The following CADM2 variants were observed in gnomAD, a reference collection of about 807,000 sequenced individuals.
The protein encoded by CADM2 is cell adhesion molecule 2.
Under a neutral mutation model 49.8 loss-of-function variants are expected in CADM2, and 12 were observed. That is an observed-to-expected ratio of 0.24 (90% CI 0.15 to 0.39). The LOEUF is 0.39. CADM2 is among the 10% of genes least tolerant of loss of function. The pLI is 1.00. For synonymous variants in CADM2, 214 were observed against 175.4 expected (o/e 1.22, Z -1.74); for missense variants, 378 against 492.3 (o/e 0.77, Z 2.20).
At chr3:85,617,077 A>T (rs1483433643) in intron 1 of CADM2, among the ~76,000 whole-genome samples, 1 of 152,098 alleles carries the variant, frequency 6.6e-6, no homozygotes, top group Non-Finnish European at 1.5e-5. Context: ...ACAAACAAGC[A>T]ATCAGTTCTT....
At chr3:85,996,694 T>C (rs1224847599) in intron 8 of CADM2, among the ~76,000 whole-genome samples, 1 of 152,200 alleles carries the variant, frequency 6.6e-6, no homozygotes, top group Non-Finnish European at 1.5e-5. Flanking sequence ...AGAAACTTTA[T>C]AATTCTTCTT....
chr3:85,878,445 A>C (rs758278936), intron 3 of CADM2, among the ~76,000 whole-genome samples: 1 of 152,152 alleles, frequency 6.6e-6, no homozygotes, highest in Non-Finnish European at 1.5e-5. Flanking sequence ...TGAAAGTATT[A>C]TATGATTTGA....
At chr3:84,996,589 A>G (rs974011233) in intron 1 of CADM2, among the ~76,000 whole-genome samples, 6 of 152,098 alleles carry the variant, frequency 3.9e-5, no homozygotes, top group Admixed American at 2.0e-4. Flanking sequence ...AATATTATGA[A>G]ATTACCCTTA....
intron 5 of CADM2, among the ~76,000 whole-genome samples, chr3:85,887,800 G>A (rs1428663781): frequency 6.6e-6 from 1 of 152,046 alleles, no homozygotes; most frequent in African/African-American, 2.4e-5. Flanking sequence ...GGCATTTCTG[G>A]ACTTGGTTAG....
At chr3:86,022,269 TA>T (rs1292081271) in intron 8 of CADM2, among the ~76,000 whole-genome samples, 1 of 152,266 alleles carries the variant, frequency 6.6e-6, no homozygotes, top group African/African-American at 2.4e-5. Context: ...GGTTCTTTAG[TA>T]AATGTAACCT....
At position 85,145,352 on chromosome 3, in the gene CADM2, A is replaced by G. The variant is rs577872832; in HGVS notation, c.61+185684A>G. 6.7e-4 allele frequency among the ~76,000 whole-genome samples: 102 copies of G among 152,242 alleles called. 2 individuals carry two copies. The highest frequency in any genetic ancestry group is 4.1e-3 in the Admixed American group (62 of 15,286). The stretch of plus-strand genomic sequence containing the variant: ...TAAGCAACATAGTCTAATTCCATCT[A>G]TCCATCCAATCTGTCTGCCTATCTA... On this transcript the variant is annotated intron_variant, in intron 1 of 9. Transcript: ENST00000383699.
At chr3:85,039,519 C>G (rs1178518238) in intron 1 of CADM2, among the ~76,000 whole-genome samples, 1 of 152,080 alleles carries the variant, frequency 6.6e-6, no homozygotes, top group South Asian at 2.1e-4. Flanking sequence ...TTTCTTAAAG[C>G]TATGGTATAC....
intron 1 of CADM2, among the ~76,000 whole-genome samples, chr3:85,246,693 A>T (rs1559741077): frequency 1.3e-5 from 2 of 152,182 alleles, no homozygotes; most frequent in Non-Finnish European, 2.9e-5. Flanking sequence ...TCAAAAACAC[A>T]GTTATAGTGA....
At chr3:85,961,022 T>TA (rs1553714029) in intron 7 of CADM2, among the ~76,000 whole-genome samples, 1 of 147,136 alleles carries the variant, frequency 6.8e-6, no homozygotes, top group Non-Finnish European at 1.5e-5. Flanking sequence ...ATTATATATA[T>TA]TTATACTCAT....
chr3:85,816,813 G>T (rs947433364), intron 3 of CADM2, among the ~76,000 whole-genome samples: 1 of 152,040 alleles, frequency 6.6e-6, no homozygotes, highest in African/African-American at 2.4e-5. Context: ...ATTTATTGTG[G>T]TTATATGTTA....
At chr3:85,640,699 A>T (rs2064684051) in intron 1 of CADM2, among the ~76,000 whole-genome samples, 1 of 152,186 alleles carries the variant, frequency 6.6e-6, no homozygotes, top group South Asian at 2.1e-4. Context: ...GTAGCAAGGG[A>T]TCAGCATAGG....
chr3:85,840,290 T>C (rs1403968834), intron 3 of CADM2, among the ~76,000 whole-genome samples: 2 of 151,824 alleles, frequency 1.3e-5, no homozygotes, highest in African/African-American at 4.8e-5. Context: ...TGTTTTTCCT[T>C]CCATTTTTAG....
At chr3:85,021,835 ATC>A (rs1445670487) in intron 1 of CADM2, among the ~76,000 whole-genome samples, 2 of 152,212 alleles carry the variant, frequency 1.3e-5, no homozygotes, top group African/African-American at 4.8e-5. Context: ...CATTGTTATC[ATC>A]TCTCTGTGTT....
At chr3:85,484,481 C>T (rs541221836) in intron 1 of CADM2, among the ~76,000 whole-genome samples, 9 of 152,002 alleles carry the variant, frequency 5.9e-5, no homozygotes, top group Admixed American at 1.3e-4. Flanking sequence ...TCTATACAAC[C>T]TTGCATTTTT....
chr3:85,027,012 C>T (rs930362519), intron 1 of CADM2, among the ~76,000 whole-genome samples: 2 of 150,858 alleles, frequency 1.3e-5, no homozygotes, highest in African/African-American at 2.4e-5. Flanking sequence ...TCTCTTAGTG[C>T]ATCTTTTTCT....
At chr3:85,613,285 C>T (rs1181118952) in intron 1 of CADM2, among the ~76,000 whole-genome samples, 6 of 151,050 alleles carry the variant, frequency 4.0e-5, no homozygotes, top group African/African-American at 1.5e-4. Context: ...TTAAAATTCA[C>T]AACATATTAA....
chr3:85,709,214 A>C (rs1284042483), intron 1 of CADM2, among the ~76,000 whole-genome samples: 1 of 152,144 alleles, frequency 6.6e-6, no homozygotes, highest in Non-Finnish European at 1.5e-5. Flanking sequence ...ACCAAGAATT[A>C]AGTTAATGAG....
At chr3:85,181,698 G>A (rs960990005) in intron 1 of CADM2, among the ~76,000 whole-genome samples, 2 of 151,610 alleles carry the variant, frequency 1.3e-5, no homozygotes, top group African/African-American at 2.4e-5. Flanking sequence ...TTTTTCAAAT[G>A]TTCATAGAGA....
chr3:85,532,414 A>G (rs1384572234), intron 1 of CADM2, among the ~76,000 whole-genome samples: 1 of 152,180 alleles, frequency 6.6e-6, no homozygotes, highest in East Asian at 1.9e-4. Flanking sequence ...TTTAAATTTT[A>G]ATTGTATTTC....
Sources: gnomAD v4.1 joint callset for allele counts (sites outside exome capture counted in the v4.1 genomes callset) on GRCh38, gnomAD v4.1.1 for gene constraint, MANE v1.5 for transcripts, NCBI Gene and HGNC (gene_info 2026-07-23, HGNC 2026-07-21) for gene names.